MDGA2: variants seen among roughly 807,000 people sequenced by gnomAD.
MDGA2 encodes the protein MAM domain containing glycosylphosphatidylinositol anchor 2.
MDGA2 carries 40 observed loss-of-function variants against 117.8 expected under a neutral mutation model. That is an observed-to-expected ratio of 0.34 (90% confidence interval 0.26 to 0.44). MDGA2 has a LOEUF of 0.44. Ranked by LOEUF, MDGA2 falls within the 20% of genes least tolerant of loss-of-function variation. The probability of loss-of-function intolerance (pLI) is 1.00; values close to 1 mark genes in which losing one functional copy is unlikely to be tolerated. For synonymous variants in MDGA2, 452 were observed against 439.0 expected (o/e 1.03, Z -0.37); for missense variants, 1,123 against 1,250.6 (o/e 0.90, Z 1.54).
intron 1 of MDGA2, among the ~76,000 whole-genome samples, chr14:47,533,427 T>A (rs917230399): frequency 1.3e-5 from 2 of 152,132 alleles, no homozygotes; most frequent in African/African-American, 2.4e-5. Context: ...TATTGATTGA[T>A]CAACAAGTAA....
intron 1 of MDGA2, among the ~76,000 whole-genome samples, chr14:47,557,774 T>A (rs1243189428): frequency 6.6e-6 from 1 of 152,230 alleles, no homozygotes; most frequent in African/African-American, 2.4e-5. Context: ...CTTAGCCCTA[T>A]GTCTATAACT....
chr14:47,290,749 C>A (rs1022368452), intron 2 of MDGA2, among the ~76,000 whole-genome samples: 3 of 151,480 alleles, frequency 2.0e-5, no homozygotes, highest in Admixed American at 2.0e-4. Context: ...GGGAAATAAT[C>A]CCAGGGAAAC....
intron 9 of MDGA2, among the ~76,000 whole-genome samples, chr14:46,937,540 C>T (rs1884828081): frequency 6.6e-6 from 1 of 152,030 alleles, no homozygotes; most frequent in African/African-American, 2.4e-5. Flanking sequence ...AAGCTGAAGG[C>T]GTTATACTAC....
At chr14:47,632,743 TTTTC>T (rs1049343035) in intron 1 of MDGA2, among the ~76,000 whole-genome samples, 73 of 152,174 alleles carry the variant, frequency 4.8e-4, no homozygotes, top group Admixed American at 9.2e-4. Context: ...GCATAGTTTC[TTTTC>T]TTTCTTTTTT....
At chr14:47,047,640 A>G (rs1889310645) in intron 7 of MDGA2, among the ~76,000 whole-genome samples, 1 of 152,032 alleles carries the variant, frequency 6.6e-6, no homozygotes, top group Non-Finnish European at 1.5e-5. Context: ...CACTCCATAT[A>G]TTAATATGTT....
At chr14:47,216,585 T>G (rs1208840841) in intron 3 of MDGA2, among the ~76,000 whole-genome samples, 1 of 152,148 alleles carries the variant, frequency 6.6e-6, no homozygotes, top group Non-Finnish European at 1.5e-5. Context: ...ACATACCCAC[T>G]GATTTTCAGA....
At chr14:46,877,743 C>T (rs145726773) in intron 11 of MDGA2, among the ~76,000 whole-genome samples, 1,695 of 151,844 alleles carry the variant, frequency 0.011, 43 homozygotes, top group African/African-American at 0.039. Flanking sequence ...AAGACCAATG[C>T]TAAATAGCAC....
intron 5 of MDGA2, among the ~76,000 whole-genome samples, chr14:47,130,273 G>A (rs895038072): frequency 1.3e-5 from 2 of 152,018 alleles, no homozygotes; most frequent in Non-Finnish European, 2.9e-5. Flanking sequence ...TTTTGTATAA[G>A]GTGTAAGGAA....
At chr14:47,457,090 A>G (rs1893370878) in intron 1 of MDGA2, among the ~76,000 whole-genome samples, 1 of 152,168 alleles carries the variant, frequency 6.6e-6, no homozygotes, top group Admixed American at 6.5e-5. Context: ...CACACAGTCA[A>G]AAGGTCTGAA....
At chr14:47,559,220 T>C (rs1895747059) in intron 1 of MDGA2, among the ~76,000 whole-genome samples, 1 of 152,202 alleles carries the variant, frequency 6.6e-6, no homozygotes, top group African/African-American at 2.4e-5. Context: ...CAGACAGTTT[T>C]TCAATCTTCA....
chr14:47,377,941 T>C (rs1891517893), intron 1 of MDGA2, among the ~76,000 whole-genome samples: 1 of 152,186 alleles, frequency 6.6e-6, no homozygotes, highest in Non-Finnish European at 1.5e-5. Context: ...CTGAGTAGCC[T>C]AACTGTGAGA....
chr14:47,133,885 C>A (rs1882327701), intron 4 of MDGA2, among the ~76,000 whole-genome samples: 1 of 151,832 alleles, frequency 6.6e-6, no homozygotes, highest in Non-Finnish European at 1.5e-5. Context: ...TGCTCTAAAC[C>A]CTACAATCAA....
chr14:47,464,439 C>G (rs897707570), intron 1 of MDGA2, among the ~76,000 whole-genome samples: 5 of 151,974 alleles, frequency 3.3e-5, no homozygotes, highest in Admixed American at 6.6e-5. Flanking sequence ...CTAGAAAACC[C>G]CATAATCTTG....
chr14:47,649,960 A>C (rs746204184), intron 1 of MDGA2, among the ~76,000 whole-genome samples: 54 of 152,046 alleles, frequency 3.6e-4, no homozygotes, highest in Non-Finnish European at 2.8e-4. Context: ...AGGATACTAG[A>C]TATTTGGTCA....
chr14:47,131,066 CAA>C (rs1303541339), intron 5 of MDGA2, among the ~76,000 whole-genome samples: 1 of 151,860 alleles, frequency 6.6e-6, no homozygotes, highest in South Asian at 2.1e-4. Flanking sequence ...TGGAGTTTCT[CAA>C]AACCAGTTCA....
chr14:47,103,284 A>G (rs898841516), intron 5 of MDGA2, among the ~76,000 whole-genome samples: 2 of 152,232 alleles, frequency 1.3e-5, no homozygotes, highest in African/African-American at 4.8e-5. Flanking sequence ...TGTGATGAAG[A>G]TATCACTGTA....
chr14:46,901,456 A>G (rs558810890), intron 10 of MDGA2, among the ~76,000 whole-genome samples: 1 of 152,310 alleles, frequency 6.6e-6, no homozygotes, highest in East Asian at 1.9e-4. Context: ...ATCTGTGCAT[A>G]CAAAAGTCAG....
At chr14:47,374,000 C>T (rs1380853548) in intron 1 of MDGA2, among the ~76,000 whole-genome samples, 2 of 151,886 alleles carry the variant, frequency 1.3e-5, no homozygotes, top group African/African-American at 2.4e-5. Flanking sequence ...TGAAGAATTC[C>T]CACTTAAAAT....
intron 1 of MDGA2, among the ~76,000 whole-genome samples, chr14:47,304,402 A>G (rs1889375985): frequency 6.6e-6 from 1 of 152,154 alleles, no homozygotes; most frequent in Non-Finnish European, 1.5e-5. Flanking sequence ...TAGTTAAATT[A>G]GTGTTCTAAA....
Sources: allele counts gnomAD v4.1 joint callset (sites outside exome capture counted in the v4.1 genomes callset), GRCh38; gene constraint gnomAD v4.1.1; transcripts MANE v1.5; gene names NCBI Gene and HGNC (gene_info 2026-07-23, HGNC 2026-07-21).